Variants in ALDH8A1 observed in about 807,000 individuals in gnomAD.
ALDH8A1 encodes 2-aminomuconic semialdehyde dehydrogenase.
ALDH8A1 carries 39 observed loss-of-function variants against 43.3 expected under a neutral mutation model. The ratio of observed to expected loss-of-function variants is 0.90; its 90% CI spans 0.70 to 1.18. ALDH8A1 has a LOEUF of 1.18. ALDH8A1 is among the 50% of genes most tolerant of loss of function. ALDH8A1 has a pLI of 0.00. For missense variants in ALDH8A1, 605 were observed against 622.6 expected, an observed-to-expected ratio of 0.97 and a Z score of 0.30; for synonymous variants, 233 against 243.5, an observed-to-expected ratio of 0.96 and a Z score of 0.40.
intron 3 of ALDH8A1, 165 bp downstream of exon 3, chr6:134,942,244 C>T (rs911913526): frequency 4.3e-6 from 4 of 922,678 alleles, no homozygotes; most frequent in Non-Finnish European, 6.0e-6. Context: ...GAATTTGACA[C>T]AAAGAAAATA....
In ALDH8A1 at chr6:134,918,461, G is replaced by A; in HGVS notation, c.1418C>T (p.Ser473Phe). The A allele has an allele frequency of 6.2e-7, 1 of 1,614,168 alleles. No individual in the cohort carries two copies. Among genetic ancestry groups the A allele is most frequent in the Non-Finnish European group, 8.5e-7 (1 of 1,180,030 alleles). Reference sequence around the variant, plus strand: ...TTTGATCTCAGTGAAGAAGTCGTAAGAGTCCTTGGCTCCCTCTCTACCTAT... The same window carrying A: ...TTTGATCTCAGTGAAGAAGTCGTAAAAGTCCTTGGCTCCCTCTCTACCTAT... ...SGIGREGAKD[S>F]YDFFTEIKTI... Residue 473 changes from serine to phenylalanine, a missense_variant, in exon 7 of 7, where the codon TCT becomes TTT. Transcript: ENST00000265605.
At chr6:134,949,063 G>A (rs1774000467) in intron 1 of ALDH8A1, among the ~76,000 whole-genome samples, 1 of 151,724 alleles carries the variant, frequency 6.6e-6, no homozygotes, top group Non-Finnish European at 1.5e-5. Flanking sequence ...AAATAGCAAT[G>A]TTCTTAAAAA....
chr6:134,927,646 A>G (rs1396376772), intron 6 of ALDH8A1, among the ~76,000 whole-genome samples: 3 of 152,208 alleles, frequency 2.0e-5, no homozygotes, highest in African/African-American at 7.2e-5. Context: ...TAAAATAGAA[A>G]AAAAATGGTG....
intron 1 of ALDH8A1, among the ~76,000 whole-genome samples, chr6:134,948,183 T>C (rs1773986537): frequency 6.6e-6 from 1 of 152,172 alleles, no homozygotes; most frequent in Non-Finnish European, 1.5e-5. Flanking sequence ...CTCACTCATA[T>C]GTGGAAGCTT....
rs1774015610 is a variant in ALDH8A1, at chr6:134,949,943, G to C, written c.111C>G (p.Cys37Trp). The change falls in exon 1 of 7, where the codon TGC becomes TGG. Residue 37 changes from cysteine to tryptophan, a missense_variant. Coordinates refer to ENST00000265605, the MANE Select transcript of ALDH8A1 (RefSeq NM_022568.4). The stretch of plus-strand genomic sequence containing the variant: ...CGTCTTTTCCACTATTTGGCACTCT[G>C]CAATACACTTCCCCTGTTGATGGGT... ...SYDPSTGEVY[C>W]RVPNSGKDEI... The C allele has an allele frequency of 1.9e-6, 3 of 1,610,998 alleles. No individual in the cohort carries two copies. The highest frequency in any genetic ancestry group is 2.5e-6 in the Non-Finnish European group (3 of 1,178,542).
At chr6:134,920,855 G>A (rs1199436533) in intron 6 of ALDH8A1, among the ~76,000 whole-genome samples, 3 of 152,140 alleles carry the variant, frequency 2.0e-5, no homozygotes, top group Admixed American at 6.6e-5. Context: ...TAGACATAAA[G>A]TCAGAGTACA....
chr6:134,933,378 C>T (rs766878783), intron 4 of ALDH8A1, among the ~76,000 whole-genome samples: 2 of 152,154 alleles, frequency 1.3e-5, no homozygotes, highest in Non-Finnish European at 2.9e-5. Flanking sequence ...GTCAAGCCCA[C>T]TAGGGGAGCA....
In ALDH8A1 at chr6:134,943,691, G is replaced by T. The variant is rs574101574; in HGVS notation, c.286+128C>A. The T allele has an allele frequency of 5.0e-6, 7 of 1,408,636 alleles. No homozygotes were observed. The African/African-American group carries it at 5.8e-5, about 12-fold the overall frequency. The allele number at this position is 1,408,636 out of a possible 1,614,324, so 87.3% of individuals were successfully genotyped here. A position where few individuals can be genotyped will look rare whatever the true frequency, so the allele number is the denominator to read the frequency against. ...CTTCCCAGGCCTGGAGCAGGGGAGG[G>T]TTTGCTCTCCACTTCTACTATTGCC... On this transcript the variant is annotated intron_variant, in intron 2 of 6. Coordinates refer to ENST00000265605, the MANE Select transcript of ALDH8A1 (RefSeq NM_022568.4).
intron 1 of ALDH8A1, among the ~76,000 whole-genome samples, chr6:134,947,633 G>A (rs1239020176): frequency 6.6e-6 from 1 of 151,732 alleles, no homozygotes; most frequent in African/African-American, 2.4e-5. Flanking sequence ...TGGCCAACAG[G>A]TATATAAAAA....
In ALDH8A1 at chr6:134,932,294, T is replaced by C. The variant is rs956653724; in HGVS notation, c.849+482A>G. ...AGGAGCTACAACGATGCCCTGAAGC[T>C]GATCCATGAATCCACGCCAAGAAAT... On this transcript the variant is annotated intron_variant, in intron 5 of 6. Coordinates refer to ENST00000265605, the MANE Select transcript of ALDH8A1 (RefSeq NM_022568.4). Among the ~76,000 whole-genome samples the C allele has an allele frequency of 2.6e-5, 4 of 152,222 alleles. No individual in the cohort carries two copies. In the South Asian group the frequency reaches 8.3e-4, roughly 31 times the overall value.
intron 1 of ALDH8A1, among the ~76,000 whole-genome samples, chr6:134,947,411 A>T (rs890111262): frequency 6.6e-6 from 1 of 152,234 alleles, no homozygotes; most frequent in Non-Finnish European, 1.5e-5. Flanking sequence ...GCTTCTGCAC[A>T]ACAGAAGAAA....
chr6:134,934,410 C>T (rs1773693169), intron 4 of ALDH8A1, among the ~76,000 whole-genome samples: 1 of 152,176 alleles, frequency 6.6e-6, no homozygotes, highest in Admixed American at 6.5e-5. Flanking sequence ...AAATTTTCCT[C>T]CCTCTTTGCA....
intron 2 of ALDH8A1, 128 bp downstream of exon 2, chr6:134,943,691 G>A (rs574101574): frequency 2.1e-6 from 3 of 1,408,758 alleles, no homozygotes; most frequent in Middle Eastern, 2.1e-4. Context: ...GCAGGGGAGG[G>A]TTTGCTCTCC....
At chr6:134,944,664 G>A (rs1245533332) in intron 1 of ALDH8A1, among the ~76,000 whole-genome samples, 3 of 151,934 alleles carry the variant, frequency 2.0e-5, no homozygotes, top group East Asian at 1.9e-4. Context: ...TGGGAGGATC[G>A]CTTGAGCCCA....
chr6:134,926,026 C>T (rs1343246679), intron 6 of ALDH8A1, among the ~76,000 whole-genome samples: 3 of 151,996 alleles, frequency 2.0e-5, no homozygotes, highest in African/African-American at 4.8e-5. Context: ...TGGAACAGAT[C>T]GTAGCCAGTT....
At chr6:134,939,225 T>C (rs1338302652) in intron 4 of ALDH8A1, 41 bp downstream of exon 4, 91 of 1,608,440 alleles carry the variant, frequency 5.7e-5, no homozygotes, top group Non-Finnish European at 7.7e-5. Flanking sequence ...ATAGGTTTGC[T>C]CCAACTCTGT....
chr6:134,918,718 G>A lies in ALDH8A1; in HGVS notation c.1161C>T (p.Cys387=), dbSNP rs781773753. The change falls in exon 7 of 7, where the codon TGC becomes TGT. Residue 387 remains cysteine (C), a synonymous_variant. Transcript: ENST00000265605. The stretch of plus-strand genomic sequence containing the variant: ...CTGGACCAAATATCTCTTCCGTCAT[G>A]CAGCAGGATTCATCCTTAATGTCTG... ...VITDIKDESC[C]MTEEIFGPVT... The A allele has an allele frequency of 6.2e-7, 1 of 1,614,174 alleles. No individual in the cohort carries two copies. Among genetic ancestry groups the A allele is most frequent in the Admixed American group, 1.7e-5 (1 of 60,022 alleles).
rs1774015116 is a variant in ALDH8A1, at chr6:134,949,931, AT to A, written c.122del (p.Asn41IlefsTer33). ...ATATACTCACCTCGTCTTTTCCACT[AT>A]TTGGCACTCTGCAATACACTTCCCC... is the stretch of plus-strand genomic sequence containing the variant. ...STGEVYCRVP[N>X]SGKDEIEAAV... On this transcript the variant is annotated frameshift_variant, in exon 1 of 7. Transcript: ENST00000265605. LOFTEE classifies it high-confidence loss of function. 6.2e-7 allele frequency: 1 copy of A among 1,602,560 alleles called. No homozygotes were observed. Among genetic ancestry groups the A allele is most frequent in the African/African-American group, 1.3e-5 (1 of 74,716 alleles).
intron 6 of ALDH8A1, among the ~76,000 whole-genome samples, chr6:134,926,675 G>C (rs979941330): frequency 6.6e-6 from 1 of 152,096 alleles, no homozygotes. Context: ...TGGGTGTGGT[G>C]GCACACACCT....
Sources: gnomAD v4.1 joint callset for allele counts (sites outside exome capture counted in the v4.1 genomes callset) on GRCh38, gnomAD v4.1.1 for gene constraint, MANE v1.5 for transcripts, NCBI Gene and HGNC (gene_info 2026-07-23, HGNC 2026-07-21) for gene names.